Variants in CYP19A1 observed in about 807,000 individuals in gnomAD.
CYP19A1 encodes aromatase.
Under a neutral mutation model 44.4 loss-of-function variants are expected in CYP19A1, and 32 were observed. The ratio of observed to expected loss-of-function variants is 0.72; its 90% CI spans 0.54 to 0.97. The LOEUF (loss-of-function observed/expected upper bound fraction) is 0.97. Ranked by LOEUF, CYP19A1 falls within the 50% of genes least tolerant of loss-of-function variation. The pLI, the probability that CYP19A1 is intolerant of heterozygous loss-of-function variation, is 0.00. For missense variants in CYP19A1, 598 were observed against 637.8 expected (o/e 0.94, Z 0.67); for synonymous variants, 212 against 215.6 (o/e 0.98, Z 0.14).
chr15:51,249,080 C>T (rs1298889662), intron 1 of CYP19A1, among the ~76,000 whole-genome samples: 3 of 152,046 alleles, frequency 2.0e-5, no homozygotes, highest in Admixed American at 6.6e-5. Context: ...GCTGGGATTA[C>T]AGGCACCCAC....
intron 1 of CYP19A1, among the ~76,000 whole-genome samples, chr15:51,243,778 C>A (rs574357244): frequency 6.6e-6 from 1 of 152,186 alleles, no homozygotes; most frequent in African/African-American, 2.4e-5. Flanking sequence ...ACATCCTGTG[C>A]AAGACAATCA....
At chr15:51,288,272 C>G (rs1386059263) in intron 1 of CYP19A1, among the ~76,000 whole-genome samples, 1 of 152,164 alleles carries the variant, frequency 6.6e-6, no homozygotes, top group Non-Finnish European at 1.5e-5. Flanking sequence ...TCCTGCCATA[C>G]TCCCAGCCCA....
At chr15:51,330,563 C>T (rs769424014) in intron 1 of CYP19A1, among the ~76,000 whole-genome samples, 1 of 152,108 alleles carries the variant, frequency 6.6e-6, no homozygotes, top group Non-Finnish European at 1.5e-5. Context: ...CAAAGAGAGC[C>T]CTGGGCAACA....
chr15:51,222,164 T>C (rs1427427433), intron 5 of CYP19A1, 185 bp downstream of exon 5: 2 of 1,123,406 alleles, frequency 1.8e-6, no homozygotes, highest in Non-Finnish European at 2.5e-6. Flanking sequence ...CCCTACTTTA[T>C]GGAAATTTAT....
chr15:51,216,078 A>T (rs1386748909), intron 6 of CYP19A1: 1 of 532,908 alleles, frequency 1.9e-6, no homozygotes, highest in East Asian at 4.4e-5. Context: ...GTTAAGGGTT[A>T]AAAATTGATA....
intron 4 of CYP19A1, among the ~76,000 whole-genome samples, chr15:51,225,400 G>T (rs8023263): frequency 0.43 from 64,722 of 152,000 alleles, 14,803 homozygotes; most frequent in Non-Finnish European, 0.52. Context: ...ACATTTCTAC[G>T]GGATCTTATA....
intron 1 of CYP19A1, among the ~76,000 whole-genome samples, chr15:51,247,451 T>G (rs1316970698): frequency 2.6e-5 from 4 of 151,648 alleles, no homozygotes; most frequent in Admixed American, 6.6e-5. Context: ...CTGTCCTTAC[T>G]TTTTTATTTT....
At chr15:51,216,109 A>G (rs763474981) in intron 6 of CYP19A1, 7 of 422,354 alleles carry the variant, frequency 1.7e-5, no homozygotes, top group East Asian at 6.0e-5. Flanking sequence ...AAATCTAACA[A>G]TGTTTTCCAA....
intron 8 of CYP19A1, among the ~76,000 whole-genome samples, chr15:51,213,905 C>T (rs767084504): frequency 7.9e-5 from 12 of 152,202 alleles, no homozygotes; most frequent in South Asian, 2.1e-4. Flanking sequence ...AACCTGAGAA[C>T]CTGCTAGGAG....
intron 1 of CYP19A1, among the ~76,000 whole-genome samples, chr15:51,310,835 G>C (rs2141011888): frequency 6.6e-6 from 1 of 152,220 alleles, no homozygotes; most frequent in South Asian, 2.1e-4. Flanking sequence ...GGGGAGAAAG[G>C]GATTCCATGT....
At chr15:51,283,706 C>T (rs1354248581) in intron 1 of CYP19A1, among the ~76,000 whole-genome samples, 1 of 152,170 alleles carries the variant, frequency 6.6e-6, no homozygotes, top group Non-Finnish European at 1.5e-5. Flanking sequence ...TGGTGTATGC[C>T]CCCATTGTAA....
At chr15:51,301,183 G>T (rs1595770286) in intron 1 of CYP19A1, among the ~76,000 whole-genome samples, 1 of 152,214 alleles carries the variant, frequency 6.6e-6, no homozygotes, top group African/African-American at 2.4e-5. Context: ...AAGACCAGCT[G>T]AAAGAACAGC....
At chr15:51,228,617 A>T (rs2032786352) in intron 3 of CYP19A1, among the ~76,000 whole-genome samples, 1 of 152,064 alleles carries the variant, frequency 6.6e-6, no homozygotes, top group African/African-American at 2.4e-5. Flanking sequence ...TTCCATCATG[A>T]CTCATCAAAG....
intron 6 of CYP19A1, among the ~76,000 whole-genome samples, chr15:51,216,820 C>T (rs2031625503): frequency 1.3e-5 from 2 of 152,122 alleles, no homozygotes; most frequent in African/African-American, 2.4e-5. Flanking sequence ...ATGTAAGATA[C>T]TTTAAGTCTC....
intron 1 of CYP19A1, among the ~76,000 whole-genome samples, chr15:51,244,099 A>C (rs936697119): frequency 7.2e-5 from 11 of 152,234 alleles, no homozygotes; most frequent in African/African-American, 2.7e-4. Flanking sequence ...AAAATTCTAG[A>C]TTCACAGCCA....
chr15:51,244,365 C>A (rs1454234120), intron 1 of CYP19A1, among the ~76,000 whole-genome samples: 1 of 152,158 alleles, frequency 6.6e-6, no homozygotes, highest in African/African-American at 2.4e-5. Flanking sequence ...TTTAAATAAT[C>A]ATTAATGCTT....
At chr15:51,247,046 CT>C (rs568520088) in intron 1 of CYP19A1, among the ~76,000 whole-genome samples, 1 of 152,226 alleles carries the variant, frequency 6.6e-6, no homozygotes, top group East Asian at 1.9e-4. Context: ...TATGTTTGTT[CT>C]TGATCTCATT....
In CYP19A1 at chr15:51,215,056, T is replaced by C; in HGVS notation, c.1021+14A>G. On this transcript the variant is annotated intron_variant, in intron 8 of 9. Coordinates refer to ENST00000396402, the MANE Select transcript of CYP19A1 (RefSeq NM_000103.4). ...TTGTTTTTAAGATGTATTATTTATTTGATAAATTCTTACCAATAACAGTCT... is the reference window on the plus strand; with the variant it reads ...TTGTTTTTAAGATGTATTATTTATTCGATAAATTCTTACCAATAACAGTCT... 6.2e-7 allele frequency: 1 copy of C among 1,608,814 alleles called. No homozygotes were observed. The highest frequency in any genetic ancestry group is 1.7e-5 in the Admixed American group (1 of 59,626).
intron 1 of CYP19A1, among the ~76,000 whole-genome samples, chr15:51,279,617 A>T (rs958842748): frequency 5.3e-5 from 8 of 152,362 alleles, no homozygotes; most frequent in African/African-American, 1.9e-4. Flanking sequence ...AAACTGACAC[A>T]TGCACCGATG....
Sources: gnomAD v4.1 joint callset for allele counts (sites outside exome capture counted in the v4.1 genomes callset) on GRCh38, gnomAD v4.1.1 for gene constraint, MANE v1.5 for transcripts, NCBI Gene and HGNC (gene_info 2026-07-23, HGNC 2026-07-21) for gene names.